The following LPP variants were observed in gnomAD, a reference collection of about 807,000 sequenced individuals.
The protein encoded by LPP is LIM domain containing preferred translocation partner in lipoma.
LPP carries 38 observed loss-of-function variants against 60.4 expected under a neutral mutation model. The observed-to-expected ratio is 0.63, with a 90% CI of 0.49 to 0.83. LPP has a LOEUF of 0.83. Among genes scored for constraint, LPP ranks in the 40% least tolerant of loss-of-function variants. The pLI is 0.00. For synonymous variants in LPP, 328 were observed against 290.8 expected (o/e 1.13, Z -1.30); for missense variants, 902 against 783.6 (o/e 1.15, Z -1.80).
intron 3 of LPP, among the ~76,000 whole-genome samples, chr3:188,361,750 T>C (rs1234234780): frequency 1.3e-5 from 2 of 151,986 alleles, no homozygotes; most frequent in Non-Finnish European, 2.9e-5. Flanking sequence ...GTATTTTTAG[T>C]AGAGATGGGG....
chr3:188,816,417 G>T (rs1002249869), intron 9 of LPP, among the ~76,000 whole-genome samples: 1 of 152,030 alleles, frequency 6.6e-6, no homozygotes, highest in Non-Finnish European at 1.5e-5. Context: ...TAGCCAGGAT[G>T]GTCTTGATCT....
intron 9 of LPP, among the ~76,000 whole-genome samples, chr3:188,814,762 G>A (rs762411774): frequency 3.3e-5 from 5 of 152,192 alleles, no homozygotes; most frequent in African/African-American, 4.8e-5. Flanking sequence ...GAAAACAAAA[G>A]CAATGTGTGA....
At chr3:188,763,273 G>T (rs1421517187) in intron 9 of LPP, among the ~76,000 whole-genome samples, 1 of 149,910 alleles carries the variant, frequency 6.7e-6, no homozygotes, top group African/African-American at 2.5e-5. Flanking sequence ...TTTAATTGAT[G>T]GAATGAGAAT....
chr3:188,844,893 A>G (rs763320318), intron 9 of LPP, among the ~76,000 whole-genome samples: 4 of 152,202 alleles, frequency 2.6e-5, no homozygotes, highest in African/African-American at 7.2e-5. Context: ...AATACATATA[A>G]CATTCATGGA....
chr3:188,611,443 T>C (rs147189624), intron 7 of LPP, among the ~76,000 whole-genome samples: 15 of 152,358 alleles, frequency 9.8e-5, no homozygotes, highest in Non-Finnish European at 1.3e-4. Context: ...AAGGGGAGTC[T>C]ATTTTCAAAA....
chr3:188,745,323 T>G (rs773581997), intron 8 of LPP, among the ~76,000 whole-genome samples: 1 of 152,186 alleles, frequency 6.6e-6, no homozygotes, highest in Non-Finnish European at 1.5e-5. Context: ...ATGCCCTACA[T>G]TATCTATCAC....
At chr3:188,717,479 A>T (rs906853152) in intron 8 of LPP, among the ~76,000 whole-genome samples, 1 of 152,228 alleles carries the variant, frequency 6.6e-6, no homozygotes. Flanking sequence ...GTTTTCACAG[A>T]TAAATGACCT....
chr3:188,819,552 C>T (rs1313411218), intron 9 of LPP, among the ~76,000 whole-genome samples: 2 of 152,164 alleles, frequency 1.3e-5, no homozygotes, highest in East Asian at 1.9e-4. Context: ...AATCATAAAA[C>T]TGAGTGAGGA....
intron 7 of LPP, among the ~76,000 whole-genome samples, chr3:188,636,857 A>G (rs893506013): frequency 4.7e-5 from 7 of 150,000 alleles, no homozygotes; most frequent in Admixed American, 1.3e-4. Flanking sequence ...CCTGTCTGTT[A>G]GAAGGAAAAC....
At chr3:188,592,547 T>TTTTTTTTTTTTTGTTTG (rs1560607260) in intron 6 of LPP, among the ~76,000 whole-genome samples, 1 of 111,592 alleles carries the variant, frequency 9.0e-6, no homozygotes, top group African/African-American at 3.1e-5. Context: ...CTGTTTTTAG[T>TTTTTTTTTTTTTGTTTG]TTTGTTTTTG....
At chr3:188,462,562 A>C (rs1373443795) in intron 4 of LPP, among the ~76,000 whole-genome samples, 1 of 43,062 alleles carries the variant, frequency 2.3e-5, no homozygotes, top group Non-Finnish European at 4.8e-5. Flanking sequence ...ATATATATAT[A>C]TATATATATA....
intron 1 of LPP, among the ~76,000 whole-genome samples, chr3:188,175,421 C>T (rs1722796437): frequency 6.6e-6 from 1 of 152,172 alleles, no homozygotes; most frequent in African/African-American, 2.4e-5. Flanking sequence ...ATCTTTACAT[C>T]TCCCATGCTG....
chr3:188,499,542 C>T lies in LPP; in HGVS notation c.306+14838C>T, dbSNP rs576250412. ...ATTAATTTTTGAAATCAGGAAGTGTCGGTCCTCCACCTTTGTTCCTTTTTA... is the reference window on the plus strand; with the variant it reads ...ATTAATTTTTGAAATCAGGAAGTGTTGGTCCTCCACCTTTGTTCCTTTTTA... On this transcript the variant is annotated intron_variant, in intron 5 of 11. Transcript: ENST00000617246. 1.4e-4 allele frequency among the ~76,000 whole-genome samples: 21 copies of T among 152,242 alleles called. No individual in the cohort carries two copies. In the South Asian group the frequency reaches 3.5e-3, roughly 26 times the overall value.
intron 2 of LPP, among the ~76,000 whole-genome samples, chr3:188,292,962 G>A (rs557076836): frequency 1.3e-3 from 192 of 152,258 alleles, no homozygotes; most frequent in African/African-American, 4.6e-3. Context: ...TCTATGTACT[G>A]TCTCTACTGT....
intron 1 of LPP, among the ~76,000 whole-genome samples, chr3:188,161,225 A>G (rs1299187140): frequency 1.3e-5 from 2 of 152,110 alleles, no homozygotes; most frequent in African/African-American, 4.8e-5. Flanking sequence ...TCTGTATTTC[A>G]AAGAGCTCTG....
At chr3:188,547,981 C>T (rs1387176427) in intron 6 of LPP, among the ~76,000 whole-genome samples, 1 of 152,122 alleles carries the variant, frequency 6.6e-6, no homozygotes, top group Non-Finnish European at 1.5e-5. Context: ...TTACCTATGT[C>T]TAACCTTGGA....
chr3:188,341,697 A>G lies in LPP; in HGVS notation c.-32A>G, dbSNP rs1178772588. The G allele has an allele frequency of 1.1e-5, 11 of 985,146 alleles. No individual in the cohort carries two copies. Among genetic ancestry groups the G allele is most frequent in the Non-Finnish European group, 1.3e-5 (11 of 829,770 alleles). The allele number at this position is 985,146 out of a possible 1,614,324, so 61.0% of individuals were successfully genotyped here. ...TGGCTGAACCTTGTGTCAACCATCCATTCCAGGAGCCAGCTATCTGAGGTA... is the reference window on the plus strand; with the variant it reads ...TGGCTGAACCTTGTGTCAACCATCCGTTCCAGGAGCCAGCTATCTGAGGTA... On this transcript the variant is annotated 5_prime_UTR_variant, in exon 3 of 12. Transcript: ENST00000617246.
intron 5 of LPP, among the ~76,000 whole-genome samples, chr3:188,508,137 G>A (rs1163603878): frequency 1.3e-5 from 2 of 152,206 alleles, no homozygotes; most frequent in Non-Finnish European, 2.9e-5. Context: ...AACCAAGGTG[G>A]TGGCCATGAC....
At chr3:188,240,660 C>T (rs995840768) in intron 2 of LPP, among the ~76,000 whole-genome samples, 1 of 151,830 alleles carries the variant, frequency 6.6e-6, no homozygotes, top group Admixed American at 6.6e-5. Flanking sequence ...TCATAACTAT[C>T]CAATCATGTC....
Sources: gnomAD v4.1 joint callset for allele counts (sites outside exome capture counted in the v4.1 genomes callset) on GRCh38, gnomAD v4.1.1 for gene constraint, MANE v1.5 for transcripts, NCBI Gene and HGNC (gene_info 2026-07-23, HGNC 2026-07-21) for gene names.